PTPRJ: variants seen among roughly 807,000 people sequenced by gnomAD.
PTPRJ encodes the protein receptor-type tyrosine-protein phosphatase eta.
Under a neutral mutation model 141.3 loss-of-function variants are expected in PTPRJ, and 129 were observed. The ratio of observed to expected loss-of-function variants is 0.91; its 90% CI spans 0.79 to 1.06. PTPRJ has a LOEUF of 1.06. Among genes scored for constraint, PTPRJ ranks in the 50% least tolerant of loss-of-function variants. The probability of loss-of-function intolerance (pLI) is 0.00; values close to 1 mark genes in which losing one functional copy is unlikely to be tolerated. For synonymous variants in PTPRJ, 610 were observed against 640.5 expected, an observed-to-expected ratio of 0.95 and a Z score of 0.72; for missense variants, 1,601 against 1,679.7, an observed-to-expected ratio of 0.95 and a Z score of 0.82.
chr11:48,064,804 A>G (rs1185102112), intron 1 of PTPRJ, among the ~76,000 whole-genome samples: 1 of 151,648 alleles, frequency 6.6e-6, no homozygotes, highest in East Asian at 2.0e-4. Flanking sequence ...TATTTTTAGT[A>G]GAGACAGGGT....
At chr11:48,161,541 A>G (rs1364814912) in intron 22 of PTPRJ, among the ~76,000 whole-genome samples, 1 of 152,220 alleles carries the variant, frequency 6.6e-6, no homozygotes, top group Non-Finnish European at 1.5e-5. Context: ...AGCTGTTACC[A>G]TGATCTGGCC....
At chr11:48,016,898 G>A (rs1200972992) in intron 1 of PTPRJ, among the ~76,000 whole-genome samples, 5 of 151,996 alleles carry the variant, frequency 3.3e-5, no homozygotes, top group Admixed American at 2.0e-4. Flanking sequence ...AGCAGGGACC[G>A]TCTATTATTT....
At chr11:48,033,927 AGCAAAC>A (rs1854057475) in intron 1 of PTPRJ, among the ~76,000 whole-genome samples, 1 of 152,248 alleles carries the variant, frequency 6.6e-6, no homozygotes, top group Non-Finnish European at 1.5e-5. Context: ...CTGACTGTTC[AGCAAAC>A]GCTTCACTTC....
intron 1 of PTPRJ, among the ~76,000 whole-genome samples, chr11:48,070,707 C>A (rs914489743): frequency 1.3e-5 from 2 of 152,140 alleles, no homozygotes; most frequent in African/African-American, 4.8e-5. Flanking sequence ...GGGATTTCTC[C>A]ATGGGCCTTT....
chr11:48,027,907 A>G (rs1386688542), intron 1 of PTPRJ, among the ~76,000 whole-genome samples: 1 of 150,322 alleles, frequency 6.7e-6, no homozygotes, highest in Non-Finnish European at 1.5e-5. Context: ...ACTGCTTCGG[A>G]GAGCTCTTAG....
intron 1 of PTPRJ, among the ~76,000 whole-genome samples, chr11:48,061,720 G>T (rs1192492900): frequency 6.6e-6 from 1 of 152,062 alleles, no homozygotes; most frequent in African/African-American, 2.4e-5. Context: ...CAAGTGTCCT[G>T]GGTGGGCTGC....
At position 48,053,679 on chromosome 11, in the gene PTPRJ, C is replaced by T. The variant is rs560716713; in HGVS notation, c.97-56379C>T. On this transcript the variant is annotated intron_variant, in intron 1 of 24. Transcript: ENST00000418331. ...GCAACCTCTGCCTCCCAGGTTCAAG[C>T]GCTTCTCCTGCCTCAGCCTCCCAAG... 1.4e-4 allele frequency among the ~76,000 whole-genome samples: 20 copies of T among 146,682 alleles called. No individual in the cohort carries two copies. The South Asian group carries it at 2.1e-3, about 16-fold the overall frequency.
At chr11:48,092,294 C>CAAAAAAAAAAAAAAAAAAAAAAAA (rs3971621) in intron 1 of PTPRJ, among the ~76,000 whole-genome samples, 1 of 46,956 alleles carries the variant, frequency 2.1e-5, no homozygotes, top group Non-Finnish European at 3.9e-5. Flanking sequence ...GATTTCATCT[C>CAAAAAAAAAAAAAAAAAAAAAAAA]AAAAAAAAAA....
At chr11:48,026,420 A>G (rs556736532) in intron 1 of PTPRJ, among the ~76,000 whole-genome samples, 15 of 152,096 alleles carry the variant, frequency 9.9e-5, no homozygotes, top group African/African-American at 3.6e-4. Flanking sequence ...TTGGAAAGGC[A>G]GTATCCTGCT....
chr11:48,021,387 A>G (rs1855116103), intron 1 of PTPRJ, among the ~76,000 whole-genome samples: 1 of 117,688 alleles, frequency 8.5e-6, no homozygotes, highest in South Asian at 2.3e-4. Flanking sequence ...AAATAAATAA[A>G]TAAATAAATA....
At chr11:47,984,153 C>A (rs183335055) in intron 1 of PTPRJ, among the ~76,000 whole-genome samples, 2 of 152,158 alleles carry the variant, frequency 1.3e-5, no homozygotes, top group Non-Finnish European at 2.9e-5. Flanking sequence ...AAGTTGGGCC[C>A]CACGATAAAG....
At chr11:48,142,897 GT>G in intron 11 of PTPRJ, 21 bp from the exon 12 acceptor site, 1 of 1,602,896 alleles carries the variant, frequency 6.2e-7, no homozygotes, top group Non-Finnish European at 8.5e-7. Context: ...GGGTGATCAT[GT>G]TTTGTTTTGT....
chr11:48,059,739 C>G (rs1361764788), intron 1 of PTPRJ, among the ~76,000 whole-genome samples: 1 of 152,126 alleles, frequency 6.6e-6, no homozygotes, highest in African/African-American at 2.4e-5. Flanking sequence ...ATGCTTCCTC[C>G]CAGCCGCCTG....
chr11:48,014,906 A>G (rs1254072187), intron 1 of PTPRJ, among the ~76,000 whole-genome samples: 1 of 152,046 alleles, frequency 6.6e-6, no homozygotes, highest in African/African-American at 2.4e-5. Flanking sequence ...GGGTTTCACC[A>G]TGTTGGCTAG....
At chr11:48,037,839 A>G (rs1286960448) in intron 1 of PTPRJ, among the ~76,000 whole-genome samples, 1 of 151,824 alleles carries the variant, frequency 6.6e-6, no homozygotes, top group Admixed American at 6.6e-5. Flanking sequence ...AATATATTCC[A>G]CACACCTAGT....
At chr11:48,090,701 C>T (rs905787611) in intron 1 of PTPRJ, among the ~76,000 whole-genome samples, 1 of 152,146 alleles carries the variant, frequency 6.6e-6, no homozygotes, top group Admixed American at 6.5e-5. Context: ...TTTCCCAATT[C>T]GCTTAAATTC....
In PTPRJ at chr11:48,073,813, CAT is replaced by C. The variant is rs1565289266; in HGVS notation, c.97-36243_97-36242del. Among the ~76,000 whole-genome samples, 3 of 152,222 alleles carry C rather than the reference CAT, an allele frequency of 2.0e-5. No individual in the cohort carries two copies. The East Asian group carries it at 5.8e-4, about 29-fold the overall frequency. The stretch of plus-strand genomic sequence containing the variant: ...TAAACCCACGTAGCTGAAAATGTCT[CAT>C]AGGTTTTTCTTGCATTTTCAGTTGA... On this transcript the variant is annotated intron_variant, in intron 1 of 24. Transcript: ENST00000418331.
chr11:48,048,193 C>G (rs143682029), intron 1 of PTPRJ, among the ~76,000 whole-genome samples: 1 of 152,294 alleles, frequency 6.6e-6, no homozygotes, highest in East Asian at 1.9e-4. Flanking sequence ...TCCCTCCTTC[C>G]CTTGCCTTTG....
chr11:48,046,908 ATATATTTT>A (rs1425658361), intron 1 of PTPRJ, among the ~76,000 whole-genome samples: 1 of 85,910 alleles, frequency 1.2e-5, no homozygotes, highest in African/African-American at 8.5e-5. Context: ...ATATATATAT[ATATATTTT>A]TTTTTTTTTT....
Sources: allele counts gnomAD v4.1 joint callset (sites outside exome capture counted in the v4.1 genomes callset), GRCh38; gene constraint gnomAD v4.1.1; transcripts MANE v1.5; gene names NCBI Gene and HGNC (gene_info 2026-07-23, HGNC 2026-07-21).